Variants in PEAK1 observed in about 807,000 individuals in gnomAD.
The protein encoded by PEAK1 is inactive tyrosine-protein kinase PEAK1.
A neutral mutation model predicts 124.7 loss-of-function variants in PEAK1; 54 were observed. The observed-to-expected ratio is 0.43, with a 90% confidence interval of 0.35 to 0.54. The LOEUF is 0.54. Among genes scored for constraint, PEAK1 ranks in the 20% least tolerant of loss-of-function variants. PEAK1 has a pLI of 0.01. For missense variants in PEAK1, 2,046 were observed against 2,134.5 expected, an observed-to-expected ratio of 0.96 and a Z score of 0.82; for synonymous variants, 719 against 760.0, an observed-to-expected ratio of 0.95 and a Z score of 0.89.
intron 1 of PEAK1, among the ~76,000 whole-genome samples, chr15:77,411,198 C>A (rs1273288444): frequency 1.3e-5 from 2 of 150,986 alleles, no homozygotes; most frequent in Non-Finnish European, 3.0e-5. Flanking sequence ...TAAGGCCAAC[C>A]CTGCTTGATT....
Position 77,110,486 on chromosome 15 carries a change from T to C in PEAK1, c.*3670A>G, listed in dbSNP as rs1555409257. The C allele has an allele frequency of 6.6e-6, 1 of 152,256 alleles. No homozygotes were observed. The highest frequency in any genetic ancestry group is 1.5e-5 in the Non-Finnish European group (1 of 68,040). 9.4% of individuals were successfully genotyped at this position (152,256 alleles called of 1,614,324 possible). A position where few individuals can be genotyped will look rare whatever the true frequency, so the allele number is the denominator to read the frequency against. ...TAATATTTCTAGAGCTTTAGATCTC[T>C]TGGCTTAGACTTTCCCATGTTTACA... On this transcript the variant is annotated 3_prime_UTR_variant, in exon 10 of 10. Transcript: ENST00000682557.
intron 7 of PEAK1, among the ~76,000 whole-genome samples, chr15:77,176,287 A>G (rs539744110): frequency 6.6e-6 from 1 of 151,672 alleles, no homozygotes; most frequent in East Asian, 1.9e-4. Context: ...GAAAAAAAAA[A>G]AGAAAAATGC....
chr15:77,129,320 T>C (rs1010957458), intron 9 of PEAK1, among the ~76,000 whole-genome samples: 9 of 152,248 alleles, frequency 5.9e-5, no homozygotes, highest in African/African-American at 2.2e-4. Context: ...ATATGGTGTG[T>C]TGTTACACAA....
chr15:77,276,144 G>C (rs796503238), intron 5 of PEAK1, among the ~76,000 whole-genome samples: 37 of 152,210 alleles, frequency 2.4e-4, no homozygotes, highest in African/African-American at 8.4e-4. Context: ...TGTCATCAGA[G>C]TCTCAAAAGG....
At chr15:77,344,318 T>C (rs1443987057) in intron 2 of PEAK1, among the ~76,000 whole-genome samples, 2 of 152,134 alleles carry the variant, frequency 1.3e-5, no homozygotes, top group Non-Finnish European at 1.5e-5. Flanking sequence ...ATGGTCTCGA[T>C]CTCCTGATCT....
At chr15:77,325,391 G>T (rs1313953492) in intron 2 of PEAK1, among the ~76,000 whole-genome samples, 2 of 151,068 alleles carry the variant, frequency 1.3e-5, no homozygotes, top group Admixed American at 6.6e-5. Flanking sequence ...CTGTGTGACA[G>T]AGCAAGATCC....
At chr15:77,177,730 T>G (rs2056970338) in intron 7 of PEAK1, 1 of 152,110 alleles carries the variant, frequency 6.6e-6, no homozygotes, top group Non-Finnish European at 1.5e-5. Context: ...AGGGAAATCA[T>G]CCTATTAGTC....
intron 7 of PEAK1, among the ~76,000 whole-genome samples, chr15:77,167,262 T>C (rs2056167814): frequency 2.0e-5 from 3 of 152,178 alleles, no homozygotes; most frequent in Non-Finnish European, 4.4e-5. Context: ...GGTAATAATT[T>C]GGAACCATTC....
intron 7 of PEAK1, among the ~76,000 whole-genome samples, chr15:77,175,163 A>T (rs2152810752): frequency 6.6e-6 from 1 of 152,286 alleles, no homozygotes; most frequent in East Asian, 1.9e-4. Context: ...AAGAAAACCC[A>T]GGCATTACCA....
intron 5 of PEAK1, among the ~76,000 whole-genome samples, chr15:77,253,253 G>A (rs1280358760): frequency 6.7e-6 from 1 of 149,190 alleles, no homozygotes; most frequent in African/African-American, 2.5e-5. Context: ...GTTGGGGGGG[G>A]GGTGGTCCTG....
At position 77,311,698 on chromosome 15, in the gene PEAK1, A is replaced by G. The variant is rs1366188578; in HGVS notation, c.-602-25194T>C. Among the ~76,000 whole-genome samples, 8 of 151,088 alleles carry G rather than the reference A, an allele frequency of 5.3e-5. No homozygotes were observed. The East Asian group carries it at 7.7e-4, about 15-fold the overall frequency. On this transcript the variant is annotated intron_variant, in intron 2 of 9. Coordinates refer to ENST00000682557, the MANE Select transcript of PEAK1 (RefSeq NM_001385026.1). ...CCCCAACCCCCACAAAAAAAAAAAA[A>G]AAAAAAAAGAAAAAGAAAACTAAAG...
chr15:77,202,319 T>C (rs777539888), intron 6 of PEAK1, among the ~76,000 whole-genome samples: 2 of 152,166 alleles, frequency 1.3e-5, no homozygotes. Flanking sequence ...AACTTTTGAC[T>C]ACCACAGAAC....
intron 1 of PEAK1, among the ~76,000 whole-genome samples, chr15:77,397,626 T>C (rs189506637): frequency 4.5e-4 from 69 of 152,040 alleles, no homozygotes; most frequent in Non-Finnish European, 8.1e-4. Context: ...CTGCAGAAAT[T>C]CAAAGGATCA....
At chr15:77,397,996 C>T (rs950103712) in intron 1 of PEAK1, among the ~76,000 whole-genome samples, 7 of 152,062 alleles carry the variant, frequency 4.6e-5, no homozygotes, top group South Asian at 2.1e-4. Context: ...ACCCAGGAGG[C>T]GGAGGTTGCG....
At chr15:77,348,776 CTTTT>C (rs1010115581) in intron 2 of PEAK1, 2 of 623,508 alleles carry the variant, frequency 3.2e-6, no homozygotes, top group Non-Finnish European at 3.7e-6. Context: ...TGATGAATAT[CTTTT>C]TTTCTTTTTT....
chr15:77,187,418 C>CA (rs146353638), intron 6 of PEAK1, among the ~76,000 whole-genome samples: 4,565 of 149,582 alleles, frequency 0.031, 215 homozygotes, highest in African/African-American at 0.1. Context: ...GATTTGATAC[C>CA]AAAAAAAAAC....
At position 77,286,472 on chromosome 15, in the gene PEAK1, T is replaced by C. The variant is rs1456830072; in HGVS notation, c.-570A>G. The C allele has an allele frequency of 4.9e-6, 6 of 1,230,004 alleles. No homozygotes were observed. The Admixed American group carries it at 1.3e-4, about 26-fold the overall frequency. 76.2% of individuals were successfully genotyped at this position (1,230,004 alleles called of 1,614,324 possible). ...GGCATTATGTTGTTGCTTCCTTTTC[T>C]TTCCTTACAAATGGATCTCAAGTAT... is the stretch of plus-strand genomic sequence containing the variant. On this transcript the variant is annotated 5_prime_UTR_variant, in exon 3 of 10. Coordinates refer to ENST00000682557, the MANE Select transcript of PEAK1 (RefSeq NM_001385026.1).
intron 8 of PEAK1, among the ~76,000 whole-genome samples, chr15:77,134,495 A>G (rs1202441596): frequency 6.6e-6 from 1 of 152,166 alleles, no homozygotes. Flanking sequence ...GGGCATATAC[A>G]TTGTGATTTG....
intron 6 of PEAK1, among the ~76,000 whole-genome samples, chr15:77,220,047 A>G (rs112741951): frequency 0.027 from 4,125 of 152,214 alleles, 76 homozygotes; most frequent in Non-Finnish European, 0.043. Flanking sequence ...AGATGTTAGC[A>G]ATTTAGGTAT....
Sources: gnomAD v4.1 joint callset for allele counts (sites outside exome capture counted in the v4.1 genomes callset) on GRCh38, gnomAD v4.1.1 for gene constraint, MANE v1.5 for transcripts, NCBI Gene and HGNC (gene_info 2026-07-23, HGNC 2026-07-21) for gene names.